DIS3L2: variants seen among roughly 807,000 people sequenced by gnomAD.
DIS3L2 encodes the protein DIS3-like exonuclease 2.
In DIS3L2, 34 loss-of-function variants were observed where a neutral mutation model predicts 97.5. The observed-to-expected ratio is 0.35, with a 90% CI of 0.27 to 0.46. The LOEUF is 0.46. DIS3L2 is among the 20% of genes least tolerant of loss of function. The pLI is 1.00. For synonymous variants in DIS3L2, 435 were observed against 445.2 expected (o/e 0.98, Z 0.29); for missense variants, 1,038 against 1,146.0 (o/e 0.91, Z 1.36).
At chr2:232,336,384 G>A (rs774043196) in intron 20 of DIS3L2, 85 bp from the exon 21 acceptor site, 70 of 1,550,812 alleles carry the variant, frequency 4.5e-5, no homozygotes, top group South Asian at 2.4e-4. Context: ...AGGGGCCAGG[G>A]GTCCTGCTGC....
intron 1 of DIS3L2, among the ~76,000 whole-genome samples, chr2:232,001,894 A>G (rs971616826): frequency 3.3e-5 from 5 of 151,304 alleles, no homozygotes; most frequent in Admixed American, 6.6e-5. Flanking sequence ...AAATTTTTGT[A>G]TTTTTAGTAG....
downstream of DIS3L2, among the ~76,000 whole-genome samples, chr2:232,341,923 G>A (rs13396686): frequency 0.11 from 16,177 of 152,236 alleles, 1,894 homozygotes; most frequent in African/African-American, 0.29. Flanking sequence ...GGGCAGCCAC[G>A]CAGACCCCCA....
At chr2:232,310,442 C>T (rs1194878518) in intron 14 of DIS3L2, among the ~76,000 whole-genome samples, 6 of 152,180 alleles carry the variant, frequency 3.9e-5, no homozygotes, top group African/African-American at 1.2e-4. Flanking sequence ...CTGCTGGATT[C>T]GGGTAGTGTT....
chr2:232,324,152 T>C (rs1695512828), intron 14 of DIS3L2, among the ~76,000 whole-genome samples: 1 of 152,114 alleles, frequency 6.6e-6, no homozygotes, highest in African/African-American at 2.4e-5. Flanking sequence ...GAAGAGGCCA[T>C]GGTTGGGTAC....
chr2:232,330,570 A>T, intron 15 of DIS3L2, 120 bp from the exon 16 acceptor site: 1 of 992,218 alleles, frequency 1.0e-6, no homozygotes. Context: ...AGCAGGGCTG[A>T]GCCCCACAGG....
rs893189633 is a variant in DIS3L2 at position 232,019,511 on chromosome 2, C to T, written c.210+3840C>T. Among the ~76,000 whole-genome samples the T allele has an allele frequency of 2.7e-5, 4 of 150,502 alleles. No individual in the cohort carries two copies. The South Asian group carries it at 6.3e-4, about 24-fold the overall frequency. Reference sequence around the variant, plus strand: ...TATGGTAGGTAAGTCATGATCATGCCATTGTGCTCCAGCCTGGGCAACAGA... The same window carrying T: ...TATGGTAGGTAAGTCATGATCATGCTATTGTGCTCCAGCCTGGGCAACAGA... On this transcript the variant is annotated intron_variant, in intron 3 of 20. Transcript: ENST00000325385.
intron 1 of DIS3L2, among the ~76,000 whole-genome samples, chr2:232,009,730 G>T (rs951122837): frequency 6.6e-6 from 1 of 152,102 alleles, no homozygotes; most frequent in African/African-American, 2.4e-5. Flanking sequence ...CTTCATGTTT[G>T]CAGTCTTGTG....
intron 6 of DIS3L2, among the ~76,000 whole-genome samples, chr2:232,092,957 T>G (rs910014219): frequency 1.3e-5 from 2 of 152,196 alleles, no homozygotes; most frequent in African/African-American, 4.8e-5. Flanking sequence ...GTGGGTATTC[T>G]TGTTGTGTTC....
Position 231,971,470 on chromosome 2 carries a change from C to T in DIS3L2, c.-94+9705C>T, listed in dbSNP as rs116561364. On this transcript the variant is annotated intron_variant, in intron 1 of 20. Transcript: ENST00000325385. ...ATTGTTTGTTTGTTTGTTTTTTGAA[C>T]GGAGTCTCGCACTCTCGCCCAGGCT... Among the ~76,000 whole-genome samples, 535 of 151,082 alleles carry T rather than the reference C, an allele frequency of 3.5e-3. 1 individual carries two copies. Among genetic ancestry groups the T allele is most frequent in the African/African-American group, 0.012 (499 of 41,142 alleles).
At chr2:232,341,527 C>T (rs1173201163), downstream of DIS3L2, among the ~76,000 whole-genome samples, 1 of 152,204 alleles carries the variant, frequency 6.6e-6, no homozygotes, top group Non-Finnish European at 1.5e-5. Context: ...ATAGCGTTTA[C>T]ACAGTCATCA....
At chr2:232,300,423 G>A (rs1694824416) in intron 14 of DIS3L2, among the ~76,000 whole-genome samples, 1 of 152,172 alleles carries the variant, frequency 6.6e-6, no homozygotes, top group African/African-American at 2.4e-5. Flanking sequence ...CTCCAGTCAT[G>A]TGCCTGCTTG....
chr2:232,207,444 C>T (rs970707274), intron 9 of DIS3L2, among the ~76,000 whole-genome samples: 1 of 152,230 alleles, frequency 6.6e-6, no homozygotes, highest in Non-Finnish European at 1.5e-5. Flanking sequence ...TCTGGGAACA[C>T]AGCCCTCGGA....
intron 12 of DIS3L2, among the ~76,000 whole-genome samples, chr2:232,254,305 A>G (rs1693496942): frequency 6.6e-6 from 1 of 152,146 alleles, no homozygotes; most frequent in Non-Finnish European, 1.5e-5. Context: ...GGCAAACGCT[A>G]TCTGAAAACA....
At chr2:232,001,715 CTTTTTTTT>C (rs36048859) in intron 1 of DIS3L2, among the ~76,000 whole-genome samples, 1 of 60,044 alleles carries the variant, frequency 1.7e-5, no homozygotes, top group Non-Finnish European at 3.4e-5. Flanking sequence ...ATCTTTAATT[CTTTTTTTT>C]TTTTTTTTTT....
At chr2:232,103,174 G>C (rs1323274820) in intron 6 of DIS3L2, among the ~76,000 whole-genome samples, 1 of 151,984 alleles carries the variant, frequency 6.6e-6, no homozygotes, top group Non-Finnish European at 1.5e-5. Context: ...TTTTGTAGTT[G>C]GTTGTTTTGA....
chr2:232,195,270 C>T (rs1290771395), intron 9 of DIS3L2, among the ~76,000 whole-genome samples: 3 of 152,118 alleles, frequency 2.0e-5, no homozygotes, highest in Admixed American at 2.0e-4. Flanking sequence ...CTGTAACAGC[C>T]CAATGGGTTC....
At chr2:232,026,129 C>T (rs1279830234) in intron 4 of DIS3L2, among the ~76,000 whole-genome samples, 1 of 152,088 alleles carries the variant, frequency 6.6e-6, no homozygotes, top group Non-Finnish European at 1.5e-5. Flanking sequence ...AGTTAAATCC[C>T]TATTGGGTTG....
intron 5 of DIS3L2, among the ~76,000 whole-genome samples, chr2:232,061,369 C>T (rs1027189807): frequency 3.9e-5 from 6 of 152,178 alleles, no homozygotes; most frequent in Admixed American, 2.0e-4. Context: ...ATGTTTCTTG[C>T]GTGATTGGAG....
intron 13 of DIS3L2, among the ~76,000 whole-genome samples, chr2:232,296,103 A>G (rs936248293): frequency 3.3e-5 from 5 of 152,178 alleles, no homozygotes; most frequent in African/African-American, 2.4e-5. Flanking sequence ...AGAATCCGCA[A>G]TCTCAGATTG....
Sources: gnomAD v4.1 joint callset for allele counts (sites outside exome capture counted in the v4.1 genomes callset) on GRCh38, gnomAD v4.1.1 for gene constraint, MANE v1.5 for transcripts, NCBI Gene and HGNC (gene_info 2026-07-23, HGNC 2026-07-21) for gene names.